Variants in AP1S2 observed in about 807,000 individuals in gnomAD.
AP1S2 encodes adaptor related protein complex 1 subunit sigma 2, also known as AP-1 complex subunit sigma-2.
AP1S2 carries 1 observed loss-of-function variant against 14.3 expected under a neutral mutation model. The ratio of observed to expected loss-of-function variants is 0.07; its 90% CI spans 0.02 to 0.33. AP1S2 has a LOEUF of 0.33. Among genes scored for constraint, AP1S2 ranks in the 10% least tolerant of loss-of-function variants. The pLI, the probability that AP1S2 is intolerant of heterozygous loss-of-function variation, is 0.99. For synonymous variants in AP1S2, 30 were observed against 40.5 expected, an observed-to-expected ratio of 0.74 and a Z score of 0.99; for missense variants, 30 against 117.7, an observed-to-expected ratio of 0.25 and a Z score of 3.45.
At chrX:15,836,184 A>G (rs745943807) in intron 4 of AP1S2, among the ~76,000 whole-genome samples, 1 of 112,084 alleles carries the variant, frequency 8.9e-6, no homozygotes, top group African/African-American at 3.2e-5. Context: ...GTTGGATAAA[A>G]TTCTTTGAAG....
intron 4 of AP1S2, chrX:15,833,000 T>C: frequency 8.9e-7 from 1 of 1,121,982 alleles, no homozygotes; most frequent in East Asian, 3.4e-5. Flanking sequence ...ATACATAGTC[T>C]CTGTTTTCTG....
chrX:15,836,551 A>G (rs1031891440), intron 4 of AP1S2, among the ~76,000 whole-genome samples: 2 of 112,401 alleles, frequency 1.8e-5, no homozygotes, highest in African/African-American at 6.5e-5. Flanking sequence ...ACTAAAGACA[A>G]ATCACTTTAT....
chrX:15,841,842 T>C (rs1339255333), intron 4 of AP1S2, among the ~76,000 whole-genome samples: 1 of 111,336 alleles, frequency 9.0e-6, no homozygotes. Context: ...GTTTAAAATA[T>C]ATATACCAAG....
chrX:15,828,068 A>G (rs1207331024), intron 5 of AP1S2, 124 bp downstream of exon 5: 6 of 446,023 alleles, frequency 1.3e-5, no homozygotes. Context: ...GCAAATCACA[A>G]AATAAAGGAC....
At chrX:15,832,376 C>CA in intron 4 of AP1S2, 1 of 729,217 alleles carries the variant, frequency 1.4e-6, no homozygotes, top group African/African-American at 2.3e-5. Flanking sequence ...TGTTGAACTA[C>CA]AAAATCATGT....
chrX:15,852,869 C>A (rs1250291168), intron 1 of AP1S2: 1 of 748,735 alleles, frequency 1.3e-6, no homozygotes, highest in Non-Finnish European at 1.6e-6. Context: ...ACATTGCGCA[C>A]TCTCTATATG....
At chrX:15,842,880 G>T (rs1433385196) in intron 4 of AP1S2, among the ~76,000 whole-genome samples, 1 of 110,734 alleles carries the variant, frequency 9.0e-6, no homozygotes, top group African/African-American at 3.3e-5. Flanking sequence ...ACAAAAATTA[G>T]CTGGGCATGG....
At chrX:15,828,276 G>T (rs1933323203) in intron 4 of AP1S2, 76 bp from the exon 5 acceptor site, 1 of 794,548 alleles carries the variant, frequency 1.3e-6, no homozygotes. Context: ...TTAATTGCAT[G>T]TAAAGCACTT....
In AP1S2 at chrX:15,827,319, G is replaced by A; in HGVS notation, c.*6C>T. 1.7e-6 allele frequency: 2 copies of A among 1,204,848 alleles called. No individual in the cohort carries two copies. Among genetic ancestry groups the A allele is most frequent in the Non-Finnish European group, 2.2e-6 (2 of 889,080 alleles). On this transcript the variant is annotated 3_prime_UTR_variant, in exon 6 of 6. Coordinates refer to ENST00000672987, the MANE Select transcript of AP1S2 (RefSeq NM_001272071.2). Reference sequence around the variant, plus strand: ...GCCACAAGAAGTCATCAACAAGGGAGGAGAGTTATGTCAGTCCAATTTCTT... The same window carrying A: ...GCCACAAGAAGTCATCAACAAGGGAAGAGAGTTATGTCAGTCCAATTTCTT...
At chrX:15,828,300 TAAGTA>T (rs976697601) in intron 4 of AP1S2, 100 bp from the exon 5 acceptor site, 23 of 605,645 alleles carry the variant, frequency 3.8e-5, no homozygotes, top group Non-Finnish European at 4.7e-5. Context: ...GGTGTAATCT[TAAGTA>T]AATTACTTAA....
chrX:15,854,772 A>C lies in AP1S2; in HGVS notation c.-85T>G. On this transcript the variant is annotated 5_prime_UTR_variant, in exon 1 of 6. Transcript: ENST00000672987. ...GGAAGCCCCTGTCGCCGTGCTGAGG[A>C]AGAGAAGCCGTGGTGCTGTGGGGAG... 1.2e-6 allele frequency: 1 copy of C among 816,741 alleles called. No individual in the cohort carries two copies. Among genetic ancestry groups the C allele is most frequent in the Non-Finnish European group, 1.5e-6 (1 of 676,389 alleles). 67.3% of individuals were successfully genotyped at this position (816,741 alleles called of 1,213,427 possible). A position where few individuals can be genotyped will look rare whatever the true frequency, so the allele number is the denominator to read the frequency against.
At chrX:15,850,535 T>A (rs1325551482) in intron 2 of AP1S2, among the ~76,000 whole-genome samples, 5 of 95,103 alleles carry the variant, frequency 5.3e-5, no homozygotes, top group African/African-American at 7.9e-5. Context: ...TTTTTTTTTT[T>A]AATTGTAGAG....
rs766718606 is a variant in AP1S2 at position 15,828,903 on chromosome X, G to A, written c.427-703C>T. ...GATTCTAACAAACCAAATATAAAAA[G>A]GCATTTTTCAGACAATTAGGAAAAA... is the stretch of plus-strand genomic sequence containing the variant. On this transcript the variant is annotated intron_variant, in intron 4 of 5. Coordinates refer to ENST00000672987, the MANE Select transcript of AP1S2 (RefSeq NM_001272071.2). 2.7e-5 allele frequency among the ~76,000 whole-genome samples: 3 copies of A among 111,625 alleles called. No individual in the cohort carries two copies. The East Asian group carries it at 8.3e-4, about 31-fold the overall frequency.
At position 15,854,782 on chromosome X, in the gene AP1S2, G is replaced by A; in HGVS notation, c.-95C>T. The A allele has an allele frequency of 1.2e-6, 1 of 807,794 alleles. No individual in the cohort carries two copies. Among genetic ancestry groups the A allele is most frequent in the Non-Finnish European group, 1.5e-6 (1 of 672,330 alleles). 66.6% of individuals were successfully genotyped at this position (807,794 alleles called of 1,213,427 possible). ...GTCGCCGTGCTGAGGAAGAGAAGCCGTGGTGCTGTGGGGAGGACACCCGGC... is the reference window on the plus strand; with the variant it reads ...GTCGCCGTGCTGAGGAAGAGAAGCCATGGTGCTGTGGGGAGGACACCCGGC... On this transcript the variant is annotated 5_prime_UTR_variant, in exon 1 of 6. It adds an upstream start codon to the 5' untranslated region. Transcript: ENST00000672987.
intron 4 of AP1S2, among the ~76,000 whole-genome samples, chrX:15,838,840 T>C (rs760306529): frequency 5.8e-4 from 64 of 111,112 alleles, no homozygotes; most frequent in South Asian, 1.2e-3. Context: ...CTCCGCTTCC[T>C]GGGTTCAAGC....
At chrX:15,828,476 T>C (rs1933328080) in intron 4 of AP1S2, among the ~76,000 whole-genome samples, 2 of 112,086 alleles carry the variant, frequency 1.8e-5, no homozygotes, top group African/African-American at 6.5e-5. Context: ...TTAGCATTTA[T>C]TATTAAACGC....
intron 4 of AP1S2, among the ~76,000 whole-genome samples, chrX:15,834,467 TA>T (rs1569080204): frequency 5.3e-5 from 2 of 37,892 alleles, no homozygotes; most frequent in Non-Finnish European, 8.5e-5. Context: ...TATATATATA[TA>T]TATATATATA....
intron 2 of AP1S2, among the ~76,000 whole-genome samples, chrX:15,848,335 C>G (rs1181863129): frequency 9.0e-6 from 1 of 111,652 alleles, no homozygotes. Flanking sequence ...TCACAACAAC[C>G]GTATCCATGA....
intron 2 of AP1S2, among the ~76,000 whole-genome samples, chrX:15,851,067 T>C (rs1452866295): frequency 8.9e-6 from 1 of 111,782 alleles, no homozygotes; most frequent in African/African-American, 3.3e-5. Context: ...AGGAGCAGCC[T>C]CACTTCCACT....
Sources: gnomAD v4.1 joint callset for allele counts (sites outside exome capture counted in the v4.1 genomes callset) on GRCh38, gnomAD v4.1.1 for gene constraint, MANE v1.5 for transcripts, NCBI Gene and HGNC (gene_info 2026-07-23, HGNC 2026-07-21) for gene names.